The following HPS5 variants were observed in gnomAD, a reference collection of about 807,000 sequenced individuals.
HPS5 encodes HPS5 biogenesis of lysosomal organelles complex 2 subunit 2, also known as BLOC-2 complex member HPS5.
A neutral mutation model predicts 128.0 loss-of-function variants in HPS5; 83 were observed. That is an observed-to-expected ratio of 0.65 (90% CI 0.54 to 0.78). The LOEUF is 0.78. HPS5 is among the 30% of genes least tolerant of loss of function. HPS5 has a pLI of 0.00. For synonymous variants in HPS5, 475 were observed against 470.2 expected (o/e 1.01, Z -0.13); for missense variants, 1,281 against 1,326.2 (o/e 0.97, Z 0.53).
chr11:18,282,521 G>A (rs1469976879), intron 21 of HPS5, among the ~76,000 whole-genome samples: 1 of 151,590 alleles, frequency 6.6e-6, no homozygotes, highest in Non-Finnish European at 1.5e-5. Flanking sequence ...TCCCACCGCA[G>A]CCTCCCAAAG....
Position 18,295,069 on chromosome 11 carries a change from A to G in HPS5, c.1735T>C (p.Cys579Arg), listed in dbSNP as rs779563270. 23 of 1,614,074 alleles carry G rather than the reference A, an allele frequency of 1.4e-5. No individual in the cohort carries two copies. Among genetic ancestry groups the G allele is most frequent in the East Asian group, 2.2e-5 (1 of 44,898 alleles). ...RPELRGDEQS[C>R]EEDVSSDTCP... ...GTATCTGAACTCACATCCTCTTCACATGATTGCTCATCACCCCTGAGCTCT... is the reference window on the plus strand; with the variant it reads ...GTATCTGAACTCACATCCTCTTCACGTGATTGCTCATCACCCCTGAGCTCT... The change falls in exon 14 of 23, where the codon TGT becomes CGT. Residue 579 changes from cysteine to arginine, a missense_variant. Physicochemically the swap from Cys to Arg is radical, Grantham distance 180. Transcript: ENST00000349215.
intron 2 of HPS5, 78 bp downstream of exon 2, chr11:18,317,673 G>A (rs1471947805): frequency 2.9e-6 from 4 of 1,384,300 alleles, no homozygotes; most frequent in Non-Finnish European, 4.1e-6. Context: ...TCCACAAAAC[G>A]TTAAGGAACT....
At chr11:18,296,728 A>T (rs761308579) in intron 12 of HPS5, 70 bp downstream of exon 12, 2 of 1,361,200 alleles carry the variant, frequency 1.5e-6, no homozygotes, top group Non-Finnish European at 2.1e-6. Flanking sequence ...GCACAAGATA[A>T]TCCTGGTAAC....
intron 15 of HPS5, 65 bp downstream of exon 15, chr11:18,292,834 A>G (rs1177213297): frequency 8.5e-7 from 1 of 1,173,626 alleles, no homozygotes; most frequent in Non-Finnish European, 1.3e-6. Flanking sequence ...CTTACAATAT[A>G]ATGATTCACT....
Position 18,305,168 on chromosome 11 carries a change from C to A in HPS5, c.896+254G>T, listed in dbSNP as rs79048764. ...AGAGGTTATGAGGCGGTTAGTAGAG[C>A]TATCTTAGCTCCAATTGTTAGAAGT... On this transcript the variant is annotated intron_variant, in intron 8 of 22. Transcript: ENST00000349215. 0.043 allele frequency among the ~76,000 whole-genome samples: 6,562 copies of A among 152,246 alleles called. 311 individuals carry two copies. Among genetic ancestry groups the A allele is most frequent in the East Asian group, 0.26 (1,339 of 5,178 alleles).
At chr11:18,283,722 A>AT (rs1348315112) in intron 21 of HPS5, 73 bp downstream of exon 21, 47 of 998,194 alleles carry the variant, frequency 4.7e-5, no homozygotes, top group Non-Finnish European at 7.2e-5. Flanking sequence ...GGTTCACCAA[A>AT]TTTTTTTGTT....
chr11:18,305,358 G>T, intron 8 of HPS5, 64 bp downstream of exon 8: 1 of 1,102,264 alleles, frequency 9.1e-7, no homozygotes, highest in Non-Finnish European at 1.4e-6. Flanking sequence ...TTCTGAACAA[G>T]AAACAGAGAT....
chr11:18,298,019 G>A (rs1262703670), intron 10 of HPS5, among the ~76,000 whole-genome samples: 1 of 151,674 alleles, frequency 6.6e-6, no homozygotes, highest in Non-Finnish European at 1.5e-5. Flanking sequence ...GGCAGAGGTT[G>A]CAGTGAGCTG....
chr11:18,300,699 A>C (rs1861605654), intron 9 of HPS5, 129 bp downstream of exon 9: 1 of 26,574 alleles, frequency 3.8e-5, no homozygotes, highest in South Asian at 6.8e-4. Flanking sequence ...TTAGTCTCAA[A>C]AAAAAAAAAA....
At position 18,308,971 on chromosome 11, in the gene HPS5, G is replaced by A. The variant is rs1862663739; in HGVS notation, c.586C>T (p.Arg196Ter). The change falls in exon 6 of 23, where the codon CGA becomes TGA. Residue 196 changes from arginine (R) to a stop codon, truncating the protein, a stop_gained. Transcript: ENST00000349215. LOFTEE classifies it high-confidence loss of function. ...CTCTCAGTGTCACACAAGAAGGATC[G>A]AGTAAGTGAAGATATAAGTAGCCTT... ...DGRLLISSLT[R>*]SFLCDTEREK... The A allele has an allele frequency of 1.9e-6, 3 of 1,613,980 alleles. No individual in the cohort carries two copies. The highest frequency in any genetic ancestry group is 1.7e-6 in the Non-Finnish European group (2 of 1,179,892).
In HPS5 at chr11:18,291,726, T is replaced by A. The variant is rs748189907; in HGVS notation, c.2156A>T (p.Asp719Val). The A allele has an allele frequency of 1.2e-6, 2 of 1,614,242 alleles. No homozygotes were observed. Among genetic ancestry groups the A allele is most frequent in the Admixed American group, 1.7e-5 (1 of 60,024 alleles). ...CVRSPRESLD[D>V]LFQICSPCAI... is the part of the protein sequence containing the mutation. ...GCATGGAGAACATATTTGAAACAGGTCATCCAAAGACTCCCTTGGACTCCT... is the reference window on the plus strand; with the variant it reads ...GCATGGAGAACATATTTGAAACAGGACATCCAAAGACTCCCTTGGACTCCT... Residue 719 changes from aspartate to valine, a missense_variant, in exon 16 of 23, where the codon GAC becomes GTC. By Grantham distance (152) the Asp-to-Val change is radical (BLOSUM62 -3). Transcript: ENST00000349215.
In HPS5 at chr11:18,279,716, C is replaced by T. The variant is rs1264591994; in HGVS notation, c.*166G>A. The T allele has an allele frequency of 1.5e-6, 1 of 677,912 alleles. No individual in the cohort carries two copies. Among genetic ancestry groups the T allele is most frequent in the East Asian group, 2.7e-5 (1 of 36,504 alleles). The allele number at this position is 677,912 out of a possible 1,614,324, so 42.0% of individuals were successfully genotyped here. ...AACACTGAGGTCATGGATAAAGAGTCACAGATGCCGATGCCAAGGGTACAG... is the reference window on the plus strand; with the variant it reads ...AACACTGAGGTCATGGATAAAGAGTTACAGATGCCGATGCCAAGGGTACAG... On this transcript the variant is annotated 3_prime_UTR_variant, in exon 23 of 23. Coordinates refer to ENST00000349215, the MANE Select transcript of HPS5 (RefSeq NM_181507.2).
intron 10 of HPS5, 41 bp downstream of exon 10, chr11:18,298,751 A>C: frequency 6.2e-7 from 1 of 1,600,184 alleles, no homozygotes; most frequent in Non-Finnish European, 8.6e-7. Flanking sequence ...GGAGAGTTTC[A>C]CCAATCCATG....
Position 18,305,575 on chromosome 11 carries a change from T to G in HPS5, c.825-82A>C, listed in dbSNP as rs7943008. ...TACACTTTTCCCAATATAGGGAAAT[T>G]TTTGCCTCCAAAACAAATTCAAGAG... On this transcript the variant is annotated intron_variant, in intron 7 of 22. Transcript: ENST00000349215. 8,455 of 1,064,690 alleles carry G rather than the reference T, an allele frequency of 7.9e-3. 279 individuals carry two copies. In the African/African-American group the frequency reaches 0.089, roughly 11 times the overall value. The allele number at this position is 1,064,690 out of a possible 1,614,324, so 66.0% of individuals were successfully genotyped here. A position where few individuals can be genotyped will look rare whatever the true frequency, so the allele number is the denominator to read the frequency against.
chr11:18,291,385 AC>A, intron 16 of HPS5, 56 bp downstream of exon 16: 1 of 1,127,836 alleles, frequency 8.9e-7, no homozygotes, highest in Admixed American at 1.9e-5. Context: ...AAAATTCAAA[AC>A]TGCTAATGTT....
chr11:18,282,076 A>C lies in HPS5; in HGVS notation c.3203T>G (p.Leu1068Arg), dbSNP rs1032755164. ...ATCTGGGCCCATGGCCTTAGCTAACAGAAGTGCCACATTCTCCACATTGAT... is the reference window on the plus strand; with the variant it reads ...ATCTGGGCCCATGGCCTTAGCTAACCGAAGTGCCACATTCTCCACATTGAT... ...SPINVENVALLLAKAMGPDRA... is the reference protein window; with the variant it reads ...SPINVENVALRLAKAMGPDRA... Residue 1068 changes from leucine to arginine, a missense_variant, in exon 22 of 23, where the codon CTG becomes CGG. Transcript: ENST00000349215. 1 of 1,614,104 alleles carries C rather than the reference A, an allele frequency of 6.2e-7. No homozygotes were observed. The highest frequency in any genetic ancestry group is 8.5e-7 in the Non-Finnish European group (1 of 1,180,044).
intron 19 of HPS5, 96 bp downstream of exon 19, chr11:18,286,495 T>G: frequency 7.9e-7 from 1 of 1,261,008 alleles, no homozygotes. Context: ...GAAGCCATGA[T>G]CTTAGCACCA....
chr11:18,280,067 C>T, intron 22 of HPS5, 125 bp from the exon 23 acceptor site: 1 of 921,986 alleles, frequency 1.1e-6, no homozygotes, highest in Non-Finnish European at 1.7e-6. Flanking sequence ...TTAAAAGACA[C>T]AATGCACAGA....
intron 20 of HPS5, 51 bp from the exon 21 acceptor site, chr11:18,283,952 T>C: frequency 1.6e-6 from 2 of 1,276,058 alleles, no homozygotes; most frequent in East Asian, 2.3e-5. Context: ...TGAATTTATC[T>C]GGAGCTGTGC....
Sources: gnomAD v4.1 joint callset for allele counts (sites outside exome capture counted in the v4.1 genomes callset) on GRCh38, gnomAD v4.1.1 for gene constraint, MANE v1.5 for transcripts, NCBI Gene and HGNC (gene_info 2026-07-23, HGNC 2026-07-21) for gene names.